Variants in CDH13 observed in about 807,000 individuals in gnomAD.
CDH13 encodes cadherin 13.
A neutral mutation model predicts 63.8 loss-of-function variants in CDH13; 24 were observed. The ratio of observed to expected loss-of-function variants is 0.38; its 90% CI spans 0.27 to 0.53. CDH13 has a LOEUF of 0.53. Among genes scored for constraint, CDH13 ranks in the 20% least tolerant of loss-of-function variants. The pLI, the probability that CDH13 is intolerant of heterozygous loss-of-function variation, is 0.85. For missense variants in CDH13, 1,049 were observed against 903.1 expected (o/e 1.16, Z -2.07); for synonymous variants, 503 against 355.3 (o/e 1.42, Z -4.67).
intron 6 of CDH13, among the ~76,000 whole-genome samples, chr16:83,414,362 C>G (rs115979008): frequency 0.024 from 3,616 of 152,212 alleles, 55 homozygotes; most frequent in Middle Eastern, 0.044. Flanking sequence ...CAACCACCAC[C>G]ACAGTCTGAT....
chr16:83,191,267 C>G (rs527272694), intron 4 of CDH13, among the ~76,000 whole-genome samples: 1 of 145,520 alleles, frequency 6.9e-6, no homozygotes, highest in African/African-American at 2.6e-5. Flanking sequence ...TAACAAATCA[C>G]AAGTGTTAAT....
chr16:83,680,987 C>T (rs1915356994), intron 10 of CDH13, among the ~76,000 whole-genome samples: 1 of 152,060 alleles, frequency 6.6e-6, no homozygotes, highest in African/African-American at 2.4e-5. Context: ...CACCAGCAAA[C>T]ACCTCTCCTT....
chr16:82,783,276 C>T (rs2035851228), intron 1 of CDH13, among the ~76,000 whole-genome samples: 2 of 152,194 alleles, frequency 1.3e-5, no homozygotes, highest in South Asian at 2.1e-4. Flanking sequence ...CAGAGTTTTC[C>T]ATAGCCCAAG....
intron 2 of CDH13, among the ~76,000 whole-genome samples, chr16:83,015,677 G>GTATGTATGTATA (rs1555562893): frequency 2.7e-5 from 1 of 37,562 alleles, no homozygotes; most frequent in African/African-American, 8.7e-5. Context: ...GTGTGTGTAT[G>GTATGTATGTATA]TATATATATA....
At chr16:83,320,144 A>G (rs1010432551) in intron 5 of CDH13, among the ~76,000 whole-genome samples, 1 of 151,662 alleles carries the variant, frequency 6.6e-6, no homozygotes, top group Non-Finnish European at 1.5e-5. Flanking sequence ...GGCTCAAGTG[A>G]TCCTTGCATC....
chr16:83,171,402 G>A (rs975186315), intron 4 of CDH13: 43 of 823,006 alleles, frequency 5.2e-5, no homozygotes, highest in African/African-American at 4.7e-4. Flanking sequence ...CAACATGGGG[G>A]ATTACAGTTG....
At chr16:83,340,584 G>A (rs1185336436) in intron 5 of CDH13, among the ~76,000 whole-genome samples, 2 of 152,096 alleles carry the variant, frequency 1.3e-5, no homozygotes, top group African/African-American at 2.4e-5. Context: ...ACAGTAATGT[G>A]CACCCGAATT....
At chr16:82,811,508 T>C (rs577610473) in intron 1 of CDH13, among the ~76,000 whole-genome samples, 1 of 152,330 alleles carries the variant, frequency 6.6e-6, no homozygotes, top group Non-Finnish European at 1.5e-5. Flanking sequence ...CTGCTAATAC[T>C]ATTGTGATTT....
At chr16:83,516,686 C>G (rs184729000) in intron 7 of CDH13, among the ~76,000 whole-genome samples, 8 of 152,302 alleles carry the variant, frequency 5.3e-5, no homozygotes, top group African/African-American at 1.4e-4. Context: ...AGTACCTACT[C>G]TCTTCCAGGC....
chr16:83,205,603 CTTTT>C (rs141688507), intron 4 of CDH13, among the ~76,000 whole-genome samples: 56 of 104,378 alleles, frequency 5.4e-4, no homozygotes, highest in South Asian at 6.9e-4. Context: ...AGAGGAAAAC[CTTTT>C]TTTTTTTTTT....
intron 1 of CDH13, among the ~76,000 whole-genome samples, chr16:82,821,613 C>G (rs1404455777): frequency 6.6e-6 from 1 of 152,222 alleles, no homozygotes; most frequent in Non-Finnish European, 1.5e-5. Flanking sequence ...GGAAGAAAGA[C>G]TTTATCAAAT....
chr16:83,106,513 C>A (rs112895702), intron 3 of CDH13, among the ~76,000 whole-genome samples: 23 of 152,134 alleles, frequency 1.5e-4, no homozygotes, highest in Admixed American at 2.6e-4. Context: ...TGCACTCCAG[C>A]CTGGGCGACA....
chr16:83,155,046 T>C (rs2037149398), intron 4 of CDH13, among the ~76,000 whole-genome samples: 1 of 152,214 alleles, frequency 6.6e-6, no homozygotes, highest in South Asian at 2.1e-4. Flanking sequence ...TGTTCAGACA[T>C]TGAGTTATAT....
In CDH13 at chr16:83,283,024, A is replaced by G. The variant is rs186698968; in HGVS notation, c.637-61838A>G. Among the ~76,000 whole-genome samples the G allele has an allele frequency of 1.6e-4, 25 of 152,314 alleles. No homozygotes were observed. In the East Asian group the frequency reaches 4.4e-3, roughly 27 times the overall value. ...ACTCCTTATTTATAGCATTGCTGAG[A>G]AAATTAGGTGAGATTCTGTATTTAG... is the stretch of plus-strand genomic sequence containing the variant. On this transcript the variant is annotated intron_variant, in intron 5 of 13. Transcript: ENST00000567109.
At chr16:83,519,338 A>G (rs2074775122) in intron 7 of CDH13, among the ~76,000 whole-genome samples, 1 of 152,192 alleles carries the variant, frequency 6.6e-6, no homozygotes, top group Non-Finnish European at 1.5e-5. Flanking sequence ...ATATGAACAC[A>G]ACACAGCCTC....
At chr16:83,624,690 G>A (rs60377109) in intron 8 of CDH13, among the ~76,000 whole-genome samples, 1,581 of 152,208 alleles carry the variant, frequency 0.01, 33 homozygotes, top group African/African-American at 0.036. Context: ...GCAGCCCCAG[G>A]GGTTGGGGAC....
intron 1 of CDH13, among the ~76,000 whole-genome samples, chr16:82,835,411 C>T (rs972994350): frequency 2.0e-5 from 3 of 152,146 alleles, no homozygotes; most frequent in South Asian, 2.1e-4. Context: ...CCAAAGCTAC[C>T]CCAATTTTAG....
At chr16:83,485,042 T>A (rs950898155) in intron 6 of CDH13, among the ~76,000 whole-genome samples, 2 of 152,150 alleles carry the variant, frequency 1.3e-5, no homozygotes, top group Non-Finnish European at 2.9e-5. Context: ...ACATTTTTAC[T>A]AATTAATATA....
At chr16:83,294,864 G>A (rs1483140988) in intron 5 of CDH13, among the ~76,000 whole-genome samples, 2 of 151,978 alleles carry the variant, frequency 1.3e-5, no homozygotes, top group Non-Finnish European at 2.9e-5. Flanking sequence ...ATTATTCACA[G>A]AACTAGGAAA....
Sources: allele counts gnomAD v4.1 joint callset (sites outside exome capture counted in the v4.1 genomes callset), GRCh38; gene constraint gnomAD v4.1.1; transcripts MANE v1.5; gene names NCBI Gene and HGNC (gene_info 2026-07-23, HGNC 2026-07-21).